The following CHSY3 variants were observed in gnomAD, a reference collection of about 807,000 sequenced individuals.
CHSY3 encodes N-acetylgalactosaminyl-proteoglycan 3-beta-glucuronosyltransferase 3.
Under a neutral mutation model 67.2 loss-of-function variants are expected in CHSY3, and 35 were observed. The observed-to-expected ratio is 0.52, with a 90% CI of 0.40 to 0.69. The LOEUF (loss-of-function observed/expected upper bound fraction) is 0.69, where lower values mean the gene tolerates loss of function less well. CHSY3 is among the 30% of genes least tolerant of loss of function. The pLI, the probability that CHSY3 is intolerant of heterozygous loss-of-function variation, is 0.00. For synonymous variants in CHSY3, 474 were observed against 434.7 expected, an observed-to-expected ratio of 1.09 and a Z score of -1.12; for missense variants, 1,069 against 1,138.5, an observed-to-expected ratio of 0.94 and a Z score of 0.88.
chr5:129,944,247 G>T (rs1373123452), intron 2 of CHSY3, among the ~76,000 whole-genome samples: 3 of 152,210 alleles, frequency 2.0e-5, no homozygotes, highest in Non-Finnish European at 4.4e-5. Flanking sequence ...GGTGGAAGAA[G>T]GAGGGAGAAG....
chr5:129,944,912 A>G (rs4640833), intron 2 of CHSY3, among the ~76,000 whole-genome samples: 2,283 of 152,324 alleles, frequency 0.015, 48 homozygotes, highest in African/African-American at 0.051. Context: ...CAAACAAAAA[A>G]TAAGTGAGTT....
intron 2 of CHSY3, among the ~76,000 whole-genome samples, chr5:129,990,942 G>A (rs1239814801): frequency 6.6e-6 from 1 of 152,054 alleles, no homozygotes; most frequent in African/African-American, 2.4e-5. Context: ...TATCCAAGAG[G>A]TGACACCTAG....
At chr5:130,069,315 A>G (rs1765986050) in intron 2 of CHSY3, among the ~76,000 whole-genome samples, 1 of 152,038 alleles carries the variant, frequency 6.6e-6, no homozygotes, top group South Asian at 2.1e-4. Flanking sequence ...CAGAAATGAA[A>G]CATACATTCC....
intron 2 of CHSY3, among the ~76,000 whole-genome samples, chr5:130,026,682 T>C (rs182508735): frequency 1.2e-3 from 184 of 152,270 alleles, no homozygotes; most frequent in African/African-American, 4.3e-3. Context: ...TTATATTACA[T>C]TGTGTTTTAA....
intron 2 of CHSY3, among the ~76,000 whole-genome samples, chr5:130,077,087 T>TA (rs1766289441): frequency 6.7e-6 from 1 of 149,576 alleles, no homozygotes; most frequent in African/African-American, 2.5e-5. Flanking sequence ...CCCTAAAACT[T>TA]AAAGTATAAT....
intron 2 of CHSY3, among the ~76,000 whole-genome samples, chr5:130,137,268 C>T (rs1403829010): frequency 6.6e-6 from 1 of 152,170 alleles, no homozygotes; most frequent in East Asian, 1.9e-4. Flanking sequence ...AATACATCTT[C>T]CTACAACTCT....
At chr5:130,048,614 C>G (rs1765226732) in intron 2 of CHSY3, among the ~76,000 whole-genome samples, 1 of 151,940 alleles carries the variant, frequency 6.6e-6, no homozygotes, top group Admixed American at 6.6e-5. Context: ...AAACAACTTC[C>G]AGATCTGTGC....
rs146629642 is a variant in CHSY3, at chr5:130,016,062, A to C, written c.1086+107702A>C. On this transcript the variant is annotated intron_variant, in intron 2 of 2. Coordinates refer to ENST00000305031, the MANE Select transcript of CHSY3 (RefSeq NM_175856.5). ...ACATATTGACACAGAGAAGGGAAAA[A>C]TTGACAACCTGAGCCTACTTGAAGG... 4.0e-3 allele frequency among the ~76,000 whole-genome samples: 613 copies of C among 152,306 alleles called. 7 individuals are homozygous for C. Among genetic ancestry groups the C allele is most frequent in the African/African-American group, 0.013 (541 of 41,570 alleles).
chr5:129,993,785 G>T (rs1561488487), intron 2 of CHSY3, among the ~76,000 whole-genome samples: 1 of 151,772 alleles, frequency 6.6e-6, no homozygotes, highest in Non-Finnish European at 1.5e-5. Context: ...CTCGTTAGTT[G>T]ATGCAGTTTC....
intron 2 of CHSY3, among the ~76,000 whole-genome samples, chr5:129,937,447 G>A (rs1260283655): frequency 6.6e-6 from 1 of 152,040 alleles, no homozygotes; most frequent in East Asian, 1.9e-4. Context: ...TGAGATATGG[G>A]TAGAGACACA....
At chr5:130,131,620 C>A (rs1239308657) in intron 2 of CHSY3, among the ~76,000 whole-genome samples, 1 of 152,080 alleles carries the variant, frequency 6.6e-6, no homozygotes, top group East Asian at 1.9e-4. Context: ...CCAAGTTAAT[C>A]CAGGCAATAA....
At chr5:129,995,512 CT>C (rs1209579662) in intron 2 of CHSY3, among the ~76,000 whole-genome samples, 115 of 140,884 alleles carry the variant, frequency 8.2e-4, no homozygotes, top group Middle Eastern at 3.8e-3. Flanking sequence ...CTTTTCTTTT[CT>C]TTTTTTTTTT....
At chr5:129,980,476 AT>A (rs1374023554) in intron 2 of CHSY3, among the ~76,000 whole-genome samples, 1 of 152,050 alleles carries the variant, frequency 6.6e-6, no homozygotes, top group African/African-American at 2.4e-5. Flanking sequence ...TTGTGTTCTT[AT>A]TGTTGTGTCT....
intron 2 of CHSY3, among the ~76,000 whole-genome samples, chr5:129,985,960 A>G (rs560548902): frequency 6.6e-6 from 1 of 152,248 alleles, no homozygotes; most frequent in South Asian, 2.1e-4. Flanking sequence ...GTATCATAGT[A>G]TCATATTATC....
At chr5:130,067,622 C>T (rs557213882) in intron 2 of CHSY3, among the ~76,000 whole-genome samples, 1 of 152,126 alleles carries the variant, frequency 6.6e-6, no homozygotes, top group East Asian at 1.9e-4. Flanking sequence ...AGAAAACAGC[C>T]ACTCCTAGAG....
At chr5:130,097,789 G>T (rs1052754727) in intron 2 of CHSY3, among the ~76,000 whole-genome samples, 2 of 152,146 alleles carry the variant, frequency 1.3e-5, no homozygotes, top group African/African-American at 4.8e-5. Context: ...GGATCACAAG[G>T]TCAGGAAATG....
At position 130,160,870 on chromosome 5, in the gene CHSY3, A is replaced by G. The variant is rs568143299; in HGVS notation, c.1087-23359A>G. 6.5e-4 allele frequency among the ~76,000 whole-genome samples: 99 copies of G among 151,618 alleles called. 3 individuals are homozygous for G. In the South Asian group the frequency reaches 0.018, roughly 27 times the overall value. On this transcript the variant is annotated intron_variant, in intron 2 of 2. Transcript: ENST00000305031. Reference sequence around the variant, plus strand: ...ATGGCTCCAGAAAGTGATGTAAAATACTGATCATTTTTATTTATTTATTTA... The same window carrying G: ...ATGGCTCCAGAAAGTGATGTAAAATGCTGATCATTTTTATTTATTTATTTA...
intron 2 of CHSY3, among the ~76,000 whole-genome samples, chr5:130,087,674 C>A (rs189093237): frequency 6.6e-6 from 1 of 151,940 alleles, no homozygotes; most frequent in Admixed American, 6.6e-5. Context: ...CGTGAAGGAC[C>A]TCTTCAAGGA....
intron 2 of CHSY3, among the ~76,000 whole-genome samples, chr5:130,053,167 T>C (rs1265446349): frequency 6.6e-6 from 1 of 152,048 alleles, no homozygotes; most frequent in African/African-American, 2.4e-5. Flanking sequence ...ACAGGAGAAA[T>C]AGCTGGTCTG....
Sources: allele counts gnomAD v4.1 joint callset (sites outside exome capture counted in the v4.1 genomes callset), GRCh38; gene constraint gnomAD v4.1.1; transcripts MANE v1.5; gene names NCBI Gene and HGNC (gene_info 2026-07-23, HGNC 2026-07-21).